The following RGS6 variants were observed in gnomAD, a reference collection of about 807,000 sequenced individuals.
RGS6 encodes regulator of G protein signaling 6, also known as regulator of G-protein signaling 6.
Under a neutral mutation model 78.5 loss-of-function variants are expected in RGS6, and 30 were observed. The observed-to-expected ratio is 0.38, with a 90% CI of 0.29 to 0.52. The LOEUF (loss-of-function observed/expected upper bound fraction) is 0.52, where lower values mean the gene tolerates loss of function less well. RGS6 is among the 20% of genes least tolerant of loss of function. The pLI is 0.85. For synonymous variants in RGS6, 206 were observed against 206.0 expected, an observed-to-expected ratio of 1.00 and a Z score of 0.00; for missense variants, 495 against 609.7, an observed-to-expected ratio of 0.81 and a Z score of 1.98.
Position 72,562,914 on chromosome 14 carries a change from T to A in RGS6, c.*447T>A, listed in dbSNP as rs532064530. ...GAGCACATCCAGCATTTGCATCACC[T>A]CCCTGGCACCTCCCATAGTTACAGC... On this transcript the variant is annotated 3_prime_UTR_variant, in exon 18 of 18. Coordinates refer to ENST00000553525, the MANE Select transcript of RGS6 (RefSeq NM_001204424.2). The A allele has an allele frequency of 2.0e-3, 1,351 of 689,416 alleles. 26 individuals are homozygous for A. The South Asian group carries it at 0.022, about 11-fold the overall frequency. 42.7% of individuals were successfully genotyped at this position (689,416 alleles called of 1,614,324 possible).
intron 2 of RGS6, among the ~76,000 whole-genome samples, chr14:72,010,966 CT>C (rs2085555954): frequency 6.6e-6 from 1 of 152,244 alleles, no homozygotes; most frequent in Non-Finnish European, 1.5e-5. Flanking sequence ...TCTCTGCCCA[CT>C]CATTGCAGCA....
chr14:72,243,087 C>T (rs558084499), intron 2 of RGS6, among the ~76,000 whole-genome samples: 15 of 151,890 alleles, frequency 9.9e-5, no homozygotes, highest in Non-Finnish European at 1.6e-4. Flanking sequence ...TCTGACCTGA[C>T]GATCCACCCG....
chr14:72,340,031 A>G (rs2076702154), intron 2 of RGS6, among the ~76,000 whole-genome samples: 1 of 152,134 alleles, frequency 6.6e-6, no homozygotes, highest in Non-Finnish European at 1.5e-5. Flanking sequence ...ATAAGAAAGC[A>G]CCAAGGGAAG....
chr14:71,958,022 T>C (rs888276420), intron 1 of RGS6, among the ~76,000 whole-genome samples: 3 of 77,796 alleles, frequency 3.9e-5, no homozygotes, highest in African/African-American at 1.1e-4. Flanking sequence ...CATGCATGCA[T>C]ATATATATAT....
intron 2 of RGS6, among the ~76,000 whole-genome samples, chr14:72,238,966 G>A (rs1311919064): frequency 6.6e-6 from 1 of 152,200 alleles, no homozygotes; most frequent in Non-Finnish European, 1.5e-5. Flanking sequence ...TGGATCTGCA[G>A]CAACTTCAAT....
chr14:72,013,286 A>C (rs1420329936), intron 2 of RGS6, among the ~76,000 whole-genome samples: 3 of 150,328 alleles, frequency 2.0e-5, no homozygotes, highest in Non-Finnish European at 4.5e-5. Flanking sequence ...AAAAAAAAAA[A>C]AAAAAAAACA....
intron 15 of RGS6, among the ~76,000 whole-genome samples, chr14:72,519,360 G>A (rs1021394185): frequency 6.6e-6 from 1 of 152,138 alleles, no homozygotes; most frequent in Admixed American, 6.6e-5. Context: ...CCAGTGACAG[G>A]GCTTAAGATT....
the RGS6 span, among the ~76,000 whole-genome samples, chr14:71,868,023 G>C: frequency 6.6e-6 from 1 of 152,186 alleles, no homozygotes. Context: ...ATCCAGATGA[G>C]AGAAAACAGA....
intron 2 of RGS6, among the ~76,000 whole-genome samples, chr14:72,029,108 G>A (rs1437631275): frequency 6.6e-6 from 1 of 152,198 alleles, no homozygotes; most frequent in Non-Finnish European, 1.5e-5. Context: ...TAAGTTGCAG[G>A]ACACTTGTAA....
chr14:72,486,217 T>C (rs918236176), intron 12 of RGS6, among the ~76,000 whole-genome samples: 1 of 152,180 alleles, frequency 6.6e-6, no homozygotes, highest in Non-Finnish European at 1.5e-5. Context: ...TGCTGAACCA[T>C]GAGTCAATTA....
At chr14:72,409,282 T>C (rs2093203676) in intron 3 of RGS6, among the ~76,000 whole-genome samples, 1 of 152,204 alleles carries the variant, frequency 6.6e-6, no homozygotes, top group African/African-American at 2.4e-5. Flanking sequence ...CAGAGAGCTC[T>C]ACCCAGCAGC....
At chr14:72,042,354 C>T (rs1299303326) in intron 2 of RGS6, among the ~76,000 whole-genome samples, 1 of 152,038 alleles carries the variant, frequency 6.6e-6, no homozygotes, top group Non-Finnish European at 1.5e-5. Flanking sequence ...GTCTCAAACT[C>T]CTGATCTCAG....
intron 3 of RGS6, among the ~76,000 whole-genome samples, chr14:72,375,575 C>G (rs2084494041): frequency 6.6e-6 from 1 of 152,178 alleles, no homozygotes; most frequent in Non-Finnish European, 1.5e-5. Context: ...TGCCCCTAGA[C>G]AGAGTAACAG....
intron 17 of RGS6, among the ~76,000 whole-genome samples, chr14:72,559,890 T>G (rs34299350): frequency 0.011 from 1,719 of 152,214 alleles, 16 homozygotes; most frequent in Non-Finnish European, 0.018. Context: ...TATGGAAGCC[T>G]CAGGGCCAAA....
chr14:72,540,614 G>C, intron 17 of RGS6: 9 of 1,465,882 alleles, frequency 6.1e-6, no homozygotes, highest in Non-Finnish European at 8.2e-6. Flanking sequence ...GTGCTGCATG[G>C]GTCCTGGCGA....
chr14:72,578,955 G>A, the RGS6 span, among the ~76,000 whole-genome samples: 1 of 152,288 alleles, frequency 6.6e-6, no homozygotes, highest in Middle Eastern at 3.4e-3. Context: ...AGAGCCTGGA[G>A]AATGGGACCC....
chr14:72,011,405 G>A (rs2085680910), intron 2 of RGS6, among the ~76,000 whole-genome samples: 1 of 152,050 alleles, frequency 6.6e-6, no homozygotes, highest in Admixed American at 6.6e-5. Context: ...TCCCGAGGAG[G>A]GTGAACTTTC....
intron 2 of RGS6, among the ~76,000 whole-genome samples, chr14:72,007,743 A>G (rs947150259): frequency 2.0e-5 from 3 of 152,096 alleles, no homozygotes; most frequent in Non-Finnish European, 4.4e-5. Flanking sequence ...GCTCACAGAC[A>G]TTGTACCTCA....
chr14:72,140,804 A>C (rs187147248), intron 2 of RGS6, among the ~76,000 whole-genome samples: 168 of 152,308 alleles, frequency 1.1e-3, no homozygotes, highest in African/African-American at 4.0e-3. Context: ...AGCAAGCTGC[A>C]TCTTGAATCT....
Sources: allele counts gnomAD v4.1 joint callset (sites outside exome capture counted in the v4.1 genomes callset), GRCh38; gene constraint gnomAD v4.1.1; transcripts MANE v1.5; gene names NCBI Gene and HGNC (gene_info 2026-07-23, HGNC 2026-07-21).